Variants in PCLO observed in about 807,000 individuals in gnomAD.
The protein encoded by PCLO is protein piccolo.
In PCLO, 82 loss-of-function variants were observed where a neutral mutation model predicts 427.5. That is an observed-to-expected ratio of 0.19 (90% confidence interval 0.16 to 0.23). The LOEUF (loss-of-function observed/expected upper bound fraction) is 0.23. Ranked by LOEUF, PCLO falls within the 10% of genes least tolerant of loss-of-function variation. The probability of loss-of-function intolerance (pLI) is 1.00; values close to 1 mark genes in which losing one functional copy is unlikely to be tolerated. For missense variants in PCLO, 6,239 were observed against 6,115.9 expected, an observed-to-expected ratio of 1.02 and a Z score of -0.67; for synonymous variants, 2,357 against 2,155.4, an observed-to-expected ratio of 1.09 and a Z score of -2.59.
intron 9 of PCLO, among the ~76,000 whole-genome samples, chr7:82,891,728 G>T (rs1793771368): frequency 6.6e-6 from 1 of 151,966 alleles, no homozygotes; most frequent in African/African-American, 2.4e-5. Flanking sequence ...CTAATTTATT[G>T]AGAGTTTTTA....
At chr7:82,857,797 T>C (rs984110079) in intron 10 of PCLO, among the ~76,000 whole-genome samples, 1 of 152,154 alleles carries the variant, frequency 6.6e-6, no homozygotes, top group Non-Finnish European at 1.5e-5. Context: ...TCCTATAGTA[T>C]AAGAAAATAA....
intron 3 of PCLO, among the ~76,000 whole-genome samples, chr7:83,066,059 T>G (rs983749635): frequency 1.2e-4 from 18 of 152,270 alleles, no homozygotes; most frequent in Admixed American, 5.2e-4. Context: ...CATTTTCTTC[T>G]GAAGCTCTCT....
intron 3 of PCLO, among the ~76,000 whole-genome samples, chr7:83,023,846 T>C (rs1163439686): frequency 6.6e-6 from 1 of 152,206 alleles, no homozygotes; most frequent in Non-Finnish European, 1.5e-5. Context: ...AGCAGAGAAG[T>C]GATGTATGGC....
intron 3 of PCLO, among the ~76,000 whole-genome samples, chr7:83,055,911 C>T (rs1349429397): frequency 2.0e-5 from 3 of 152,024 alleles, no homozygotes; most frequent in African/African-American, 4.8e-5. Flanking sequence ...TCCAACTTCT[C>T]GCTTGGGTGG....
At chr7:82,892,160 C>T (rs1024864728) in intron 9 of PCLO, among the ~76,000 whole-genome samples, 1 of 151,960 alleles carries the variant, frequency 6.6e-6, no homozygotes, top group Non-Finnish European at 1.5e-5. Flanking sequence ...GGCATCACAC[C>T]TCCTGACTTC....
At chr7:82,893,980 CTG>C (rs1332495738) in intron 9 of PCLO, among the ~76,000 whole-genome samples, 5 of 151,728 alleles carry the variant, frequency 3.3e-5, no homozygotes, top group Admixed American at 2.0e-4. Context: ...CATTCATTAT[CTG>C]TGTTTTATTT....
intron 20 of PCLO, among the ~76,000 whole-genome samples, chr7:82,815,843 A>G (rs1361561845): frequency 6.6e-6 from 1 of 152,134 alleles, no homozygotes; most frequent in Non-Finnish European, 1.5e-5. Flanking sequence ...TAATCTGTTC[A>G]AATTATAATT....
intron 7 of PCLO, 61 bp downstream of exon 7, chr7:82,914,625 C>T (rs1794398844): frequency 1.3e-6 from 2 of 1,515,768 alleles, no homozygotes; most frequent in Non-Finnish European, 9.1e-7. Context: ...GGAAATTAAA[C>T]ATGCAGAAAA....
In PCLO at chr7:82,952,831, T is replaced by G; in HGVS notation, c.8122A>C (p.Ile2708Leu). 2 of 1,613,630 alleles carry G rather than the reference T, an allele frequency of 1.2e-6. No individual in the cohort carries two copies. The highest frequency in any genetic ancestry group is 1.7e-6 in the Non-Finnish European group (2 of 1,179,596). Reference sequence around the variant, plus strand: ...TTATACTGAGGCTTCTCTAAATGTATGTTATCTAGAGCAAGAGGCTCTGGA... The same window carrying G: ...TTATACTGAGGCTTCTCTAAATGTAGGTTATCTAGAGCAAGAGGCTCTGGA... Reference protein sequence around the residue: ...IPPEPLALDNIHLEKPQYKED... With the variant: ...IPPEPLALDNLHLEKPQYKED... Residue 2708 changes from isoleucine (I) to leucine (L), a missense_variant, in exon 5 of 25, where the codon ATA (isoleucine) becomes CTA (leucine). Transcript: ENST00000333891.
intron 13 of PCLO, among the ~76,000 whole-genome samples, chr7:82,843,148 A>G (rs1445734599): frequency 6.6e-6 from 1 of 152,146 alleles, no homozygotes; most frequent in Non-Finnish European, 1.5e-5. Flanking sequence ...TATAGTACCA[A>G]CCTAAGTGTC....
intron 3 of PCLO, among the ~76,000 whole-genome samples, chr7:83,052,522 A>G (rs1010626430): frequency 2.6e-5 from 4 of 152,166 alleles, no homozygotes; most frequent in Middle Eastern, 3.4e-3. Context: ...ATTGATATTT[A>G]TATGAGATAA....
At chr7:83,060,105 G>C (rs944533369) in intron 3 of PCLO, among the ~76,000 whole-genome samples, 2 of 152,174 alleles carry the variant, frequency 1.3e-5, no homozygotes, top group African/African-American at 4.8e-5. Context: ...GCAGAACCCA[G>C]TAATTCCAGA....
chr7:83,028,160 T>A (rs1278798173), intron 3 of PCLO, among the ~76,000 whole-genome samples: 2 of 152,130 alleles, frequency 1.3e-5, no homozygotes, highest in African/African-American at 2.4e-5. Context: ...AAAGAGGAAG[T>A]CAAATTGTCC....
At chr7:82,872,290 C>G (rs1793256152) in intron 10 of PCLO, among the ~76,000 whole-genome samples, 3 of 151,832 alleles carry the variant, frequency 2.0e-5, no homozygotes, top group African/African-American at 7.3e-5. Flanking sequence ...AATGAAAGAA[C>G]AGGCAAAAAG....
At chr7:83,114,820 G>T (rs573546870) in intron 3 of PCLO, among the ~76,000 whole-genome samples, 8 of 151,974 alleles carry the variant, frequency 5.3e-5, no homozygotes, top group Non-Finnish European at 7.4e-5. Context: ...AGGTTATAAG[G>T]ATGATTTGTT....
intron 22 of PCLO, among the ~76,000 whole-genome samples, chr7:82,789,902 T>C (rs1409655188): frequency 6.6e-6 from 1 of 152,232 alleles, no homozygotes; most frequent in East Asian, 1.9e-4. Context: ...CCTCTGCTGT[T>C]AACATTTCTT....
chr7:82,780,624 T>C (rs996132949), intron 22 of PCLO, among the ~76,000 whole-genome samples: 2 of 152,198 alleles, frequency 1.3e-5, no homozygotes, highest in African/African-American at 4.8e-5. Context: ...CTCCGCTCAA[T>C]GCAAGCTCCG....
At chr7:82,977,069 T>C (rs1297819452) in intron 3 of PCLO, among the ~76,000 whole-genome samples, 1 of 152,026 alleles carries the variant, frequency 6.6e-6, no homozygotes, top group Non-Finnish European at 1.5e-5. Flanking sequence ...CGAAAAAATT[T>C]TTAAAGGAGT....
Position 83,155,129 on chromosome 7 carries a change from A to T in PCLO, c.1512T>A (p.Pro504=), listed in dbSNP as rs1168244886. Reference sequence around the variant, plus strand: ...GTTGAGGTGGGGGTTTTGTTGAGCCAGGCTGTTGAGATGGGGGCTTTGCTG... The same window carrying T: ...GTTGAGGTGGGGGTTTTGTTGAGCCTGGCTGTTGAGATGGGGGCTTTGCTG... ...PGSAKPPSQQ[P]GSTKPPPQQP... is the part of the protein sequence containing the mutation. The change falls in exon 2 of 25, where the codon CCT becomes CCA. Residue 504 remains proline (P), a synonymous_variant. Transcript: ENST00000333891. 2 of 1,485,212 alleles carry T rather than the reference A, an allele frequency of 1.3e-6. No individual in the cohort carries two copies. Among genetic ancestry groups the T allele is most frequent in the Non-Finnish European group, 1.8e-6 (2 of 1,103,916 alleles). 92.0% of individuals were successfully genotyped at this position (1,485,212 alleles called of 1,614,324 possible).
Sources: gnomAD v4.1 joint callset for allele counts (sites outside exome capture counted in the v4.1 genomes callset) on GRCh38, gnomAD v4.1.1 for gene constraint, MANE v1.5 for transcripts, NCBI Gene and HGNC (gene_info 2026-07-23, HGNC 2026-07-21) for gene names.